The following CD36 variants were observed in gnomAD, a reference collection of about 807,000 sequenced individuals.
The protein encoded by CD36 is CD36 molecule (CD36 blood group), also known as platelet glycoprotein 4.
CD36 carries 119 observed loss-of-function variants against 55.2 expected under a neutral mutation model. That is an observed-to-expected ratio of 2.15 (90% confidence interval 1.86 to 2.51). CD36 has a LOEUF of 2.51. Among genes scored for constraint, CD36 ranks in the 30% most tolerant of loss-of-function variants. The pLI is 0.00. For synonymous variants in CD36, 186 were observed against 193.6 expected, an observed-to-expected ratio of 0.96 and a Z score of 0.33; for missense variants, 819 against 555.5, an observed-to-expected ratio of 1.47 and a Z score of -4.77.
At chr7:80,627,469 T>G (rs1263058829) in intron 1 of CD36, among the ~76,000 whole-genome samples, 4 of 151,924 alleles carry the variant, frequency 2.6e-5, no homozygotes, top group African/African-American at 9.7e-5. Context: ...GGGGCTTTTT[T>G]TTTTTCACTT....
At chr7:80,608,059 A>G (rs970129652) in intron 1 of CD36, among the ~76,000 whole-genome samples, 3 of 152,098 alleles carry the variant, frequency 2.0e-5, no homozygotes, top group African/African-American at 7.2e-5. Flanking sequence ...CGTGAGCCAT[A>G]TAACCTTGTT....
chr7:80,666,243 A>G (rs1797080288), intron 7 of CD36, 200 bp from the exon 8 acceptor site: 1 of 508,584 alleles, frequency 2.0e-6, no homozygotes, highest in Non-Finnish European at 3.5e-6. Flanking sequence ...TGATCTGGCT[A>G]CCTAATGGCA....
In CD36 at chr7:80,656,502, T is replaced by C. The variant is rs772231849; in HGVS notation, c.121-38T>C. 12 of 1,600,872 alleles carry C rather than the reference T, an allele frequency of 7.5e-6. No individual in the cohort carries two copies. The South Asian group carries it at 1.0e-4, about 13-fold the overall frequency. On this transcript the variant is annotated intron_variant, in intron 3 of 14. Coordinates refer to ENST00000447544, the MANE Select transcript of CD36 (RefSeq NM_001001548.3). ...ATCTTCCAGAAGTGCCTGTACTTAC[T>C]ACAAAGACATAACCCAAACTTATTT...
At chr7:80,602,438 C>T (rs1485879280) in intron 1 of CD36, 1 of 152,080 alleles carries the variant, frequency 6.6e-6, no homozygotes, top group East Asian at 1.9e-4. Context: ...AGTTGATGCA[C>T]TCTCATCTAG....
intron 1 of CD36, among the ~76,000 whole-genome samples, chr7:80,626,515 G>A (rs79472354): frequency 0.074 from 11,209 of 151,988 alleles, 760 homozygotes; most frequent in East Asian, 0.34. Flanking sequence ...TATTATCTAT[G>A]TGCCAATAAA....
chr7:80,667,401 G>T (rs1386236937), intron 8 of CD36, among the ~76,000 whole-genome samples: 2 of 136,014 alleles, frequency 1.5e-5, no homozygotes, highest in Non-Finnish European at 3.0e-5. Context: ...CTGCACTCTA[G>T]CCTGGGCAAT....
intron 3 of CD36, among the ~76,000 whole-genome samples, chr7:80,655,920 CA>C (rs111330088): frequency 0.013 from 1,275 of 95,256 alleles, 11 homozygotes; most frequent in African/African-American, 0.036. Context: ...TATCTTGTCT[CA>C]AAAAAAAAAA....
chr7:80,634,209 T>A (rs1794251693), upstream of CD36, among the ~76,000 whole-genome samples: 1 of 152,010 alleles, frequency 6.6e-6, no homozygotes, highest in African/African-American at 2.4e-5. Context: ...GTAATACATG[T>A]GAAATACTTA....
At chr7:80,627,803 A>C (rs911308223) in intron 1 of CD36, among the ~76,000 whole-genome samples, 1 of 152,210 alleles carries the variant, frequency 6.6e-6, no homozygotes, top group East Asian at 1.9e-4. Context: ...CAATGGATAC[A>C]TAAACACAAC....
At chr7:80,674,617 C>A (rs758554775) in intron 14 of CD36, among the ~76,000 whole-genome samples, 11 of 152,032 alleles carry the variant, frequency 7.2e-5, no homozygotes, top group Non-Finnish European at 1.3e-4. Context: ...TAGTGTTCAA[C>A]ATAGTAGAAC....
chr7:80,673,204 G>C, intron 12 of CD36, 151 bp from the exon 13 acceptor site: 1 of 527,244 alleles, frequency 1.9e-6, no homozygotes. Context: ...AGCAAAGGAA[G>C]TCAAAAACAA....
At chr7:80,655,305 C>G (rs1795964615) in intron 3 of CD36, among the ~76,000 whole-genome samples, 1 of 144,572 alleles carries the variant, frequency 6.9e-6, no homozygotes, top group Non-Finnish European at 1.5e-5. Flanking sequence ...TAATAGACTT[C>G]TGGCTCAGAG....
Position 80,672,852 on chromosome 7 carries a change from C to G in CD36, c.1199+9C>G. The G allele has an allele frequency of 1.9e-6, 3 of 1,590,800 alleles. No homozygotes were observed. The highest frequency in any genetic ancestry group is 2.6e-6 in the Non-Finnish European group (3 of 1,160,458). On this transcript the variant is annotated intron_variant, in intron 12 of 14. Transcript: ENST00000447544. Reference sequence around the variant, plus strand: ...CCATCAGAAAAAATTCAGTGAGTCTCTTGAAAATGGTTATTTTGATATGAT... The same window carrying G: ...CCATCAGAAAAAATTCAGTGAGTCTGTTGAAAATGGTTATTTTGATATGAT...
At chr7:80,651,929 T>C (rs1490708426) in intron 3 of CD36, among the ~76,000 whole-genome samples, 2 of 152,172 alleles carry the variant, frequency 1.3e-5, no homozygotes, top group African/African-American at 4.8e-5. Flanking sequence ...AAATTATGTT[T>C]GAATTAATAG....
rs374053606 is a variant in CD36, at chr7:80,650,878, C to G, written c.120+4018C>G. Among the ~76,000 whole-genome samples the G allele has an allele frequency of 1.2e-4, 18 of 147,668 alleles. No homozygotes were observed. The South Asian group carries it at 1.9e-3, about 16-fold the overall frequency. ...AATCTTTCTTACCAGTATTTTTGAC[C>G]GTGATTCTTAATAGAGTTGTGTGCA... On this transcript the variant is annotated intron_variant, in intron 3 of 14. Coordinates refer to ENST00000447544, the MANE Select transcript of CD36 (RefSeq NM_001001548.3).
intron 1 of CD36, among the ~76,000 whole-genome samples, chr7:80,625,290 A>C (rs1793681910): frequency 6.6e-6 from 1 of 152,154 alleles, no homozygotes; most frequent in Non-Finnish European, 1.5e-5. Flanking sequence ...TGCTGGTCAC[A>C]CATGATTATT....
rs981216278 is a variant in CD36 at position 80,677,341 on chromosome 7, A to C, written c.*958A>C. ...TAGTTCTCCTAAAAAGCTCCAGCAT[A>C]GAAAGGGAAGATAAACCAAATTCTA... is the stretch of plus-strand genomic sequence containing the variant. On this transcript the variant is annotated 3_prime_UTR_variant, in exon 15 of 15. Transcript: ENST00000447544. The C allele has an allele frequency of 1.3e-5, 2 of 152,218 alleles. No homozygotes were observed. The highest frequency in any genetic ancestry group is 2.4e-5 in the African/African-American group (1 of 41,458). The allele number at this position is 152,218 out of a possible 1,614,324, so 9.4% of individuals were successfully genotyped here.
intron 3 of CD36, among the ~76,000 whole-genome samples, chr7:80,647,569 A>G (rs999835819): frequency 7.9e-5 from 12 of 152,184 alleles, no homozygotes; most frequent in Non-Finnish European, 1.8e-4. Flanking sequence ...GCTTATTCGA[A>G]TTAGCTACAC....
At chr7:80,608,554 T>G (rs1383828134) in intron 1 of CD36, among the ~76,000 whole-genome samples, 1 of 152,194 alleles carries the variant, frequency 6.6e-6, no homozygotes, top group Non-Finnish European at 1.5e-5. Context: ...CATAGAAGGG[T>G]TAAATATTAT....
Sources: allele counts gnomAD v4.1 joint callset (sites outside exome capture counted in the v4.1 genomes callset), GRCh38; gene constraint gnomAD v4.1.1; transcripts MANE v1.5; gene names NCBI Gene and HGNC (gene_info 2026-07-23, HGNC 2026-07-21).